SMCO2: variants seen among roughly 807,000 people sequenced by gnomAD.
SMCO2 encodes single-pass membrane protein with coiled-coil domains 2, also known as single-pass membrane and coiled-coil domain-containing protein 2.
In SMCO2, 25 loss-of-function variants were observed where a neutral mutation model predicts 29.5. The observed-to-expected ratio is 0.85, with a 90% CI of 0.62 to 1.18. The LOEUF is 1.18. Among genes scored for constraint, SMCO2 ranks in the 50% most tolerant of loss-of-function variants. The pLI is 0.00. For synonymous variants in SMCO2, 117 were observed against 123.3 expected, an observed-to-expected ratio of 0.95 and a Z score of 0.34; for missense variants, 348 against 344.5, an observed-to-expected ratio of 1.01 and a Z score of -0.08.
intron 4 of SMCO2, among the ~76,000 whole-genome samples, chr12:27,487,950 G>T (rs1949703600): frequency 6.6e-6 from 1 of 151,148 alleles, no homozygotes. Context: ...TTAATGTTGA[G>T]CTTTTTTTGA....
At chr12:27,438,459 T>A in the SMCO2 span, among the ~76,000 whole-genome samples, 3 of 152,194 alleles carry the variant, frequency 2.0e-5, no homozygotes, top group African/African-American at 7.2e-5. Context: ...CCTCAACCTG[T>A]CCAAAGTGCA....
At chr12:27,423,886 C>G in the SMCO2 span, 7 of 152,132 alleles carry the variant, frequency 4.6e-5, no homozygotes, top group African/African-American at 1.7e-4. Context: ...CTGTCCAGTG[C>G]AGTAGCCACT....
At chr12:27,431,130 C>T in the SMCO2 span, among the ~76,000 whole-genome samples, 1 of 152,006 alleles carries the variant, frequency 6.6e-6, no homozygotes, top group East Asian at 1.9e-4. Context: ...ATTCTCCTGC[C>T]TCAGCCTCCC....
the SMCO2 span, among the ~76,000 whole-genome samples, chr12:27,452,935 T>C: frequency 6.6e-6 from 1 of 152,206 alleles, no homozygotes; most frequent in Non-Finnish European, 1.5e-5. Flanking sequence ...CGTAGCTTTC[T>C]TCCTAGGCCC....
chr12:27,495,665 ACT>A lies in SMCO2; in HGVS notation c.508-12_508-11del. 1 of 1,452,148 alleles carries A rather than the reference ACT, an allele frequency of 6.9e-7. No homozygotes were observed. The highest frequency in any genetic ancestry group is 9.2e-7 in the Non-Finnish European group (1 of 1,083,260). The allele number at this position is 1,452,148 out of a possible 1,614,324, so 90.0% of individuals were successfully genotyped here. ...TAGAATTTTTTTAAGGTACTTGATTACTCTTTTTTTTCAGGACCTTTGCAAGA... is the reference window on the plus strand; with the variant it reads ...TAGAATTTTTTTAAGGTACTTGATTACTTTTTTTTCAGGACCTTTGCAAGA... On this transcript the variant is annotated splice_polypyrimidine_tract_variant and intron_variant, in intron 6 of 7. Transcript: ENST00000298876.
the SMCO2 span, chr12:27,424,745 G>C: frequency 6.6e-6 from 1 of 152,202 alleles, no homozygotes; most frequent in Non-Finnish European, 1.5e-5. Context: ...GTTACGGGCA[G>C]ACAGGCCGAC....
chr12:27,480,914 G>A (rs1345231738), intron 4 of SMCO2, among the ~76,000 whole-genome samples: 1 of 152,128 alleles, frequency 6.6e-6, no homozygotes, highest in Non-Finnish European at 1.5e-5. Flanking sequence ...AGCAATGCAA[G>A]AACAGACTAA....
intron 1 of SMCO2, among the ~76,000 whole-genome samples, chr12:27,468,793 A>G (rs192083067): frequency 1.5e-3 from 233 of 152,344 alleles, no homozygotes; most frequent in African/African-American, 5.2e-3. Flanking sequence ...AGTAAATCAC[A>G]TCATCTCCCA....
At chr12:27,435,549 C>A in the SMCO2 span, among the ~76,000 whole-genome samples, 5 of 151,072 alleles carry the variant, frequency 3.3e-5, no homozygotes, top group Admixed American at 6.6e-5. Flanking sequence ...CTCTCTCCCC[C>A]CCATCCCCCA....
the SMCO2 span, among the ~76,000 whole-genome samples, chr12:27,427,470 A>G: frequency 6.6e-6 from 1 of 152,214 alleles, no homozygotes; most frequent in Non-Finnish European, 1.5e-5. Flanking sequence ...TTCTGAGGAA[A>G]GTAGAGTAGG....
At chr12:27,435,291 C>A in the SMCO2 span, among the ~76,000 whole-genome samples, 10 of 21,366 alleles carry the variant, frequency 4.7e-4, 2 homozygotes, top group Non-Finnish European at 2.8e-3. Context: ...AACCCCCCCC[C>A]CCCCCCCCCC....
intron 3 of SMCO2, 30 bp downstream of exon 3, chr12:27,472,905 AC>A: frequency 6.9e-7 from 1 of 1,449,924 alleles, no homozygotes; most frequent in Non-Finnish European, 9.5e-7. Flanking sequence ...TAAGAGAGAC[AC>A]TTAAATGACA....
At chr12:27,475,119 G>GA (rs1039911957) in intron 4 of SMCO2, among the ~76,000 whole-genome samples, 12 of 152,044 alleles carry the variant, frequency 7.9e-5, no homozygotes, top group Admixed American at 7.2e-4. Context: ...CAGAGCATGG[G>GA]AAAAAAGAAA....
At chr12:27,485,617 T>A (rs2135563653) in intron 4 of SMCO2, among the ~76,000 whole-genome samples, 1 of 151,988 alleles carries the variant, frequency 6.6e-6, no homozygotes, top group South Asian at 2.1e-4. Flanking sequence ...TTAATTTTTT[T>A]AGTATTTTTA....
intron 4 of SMCO2, among the ~76,000 whole-genome samples, chr12:27,484,316 T>C (rs1241046411): frequency 2.6e-5 from 4 of 151,970 alleles, no homozygotes; most frequent in Admixed American, 2.6e-4. Context: ...GAGGCAGAGG[T>C]TGCAGTGAGC....
chr12:27,427,209 A>G, the SMCO2 span, among the ~76,000 whole-genome samples: 1 of 152,252 alleles, frequency 6.6e-6, no homozygotes, highest in Non-Finnish European at 1.5e-5. Flanking sequence ...CTATTTATCC[A>G]GCCCAGTGGT....
rs557959161 is a variant in SMCO2 at position 27,475,577 on chromosome 12, C to T, written c.362+664C>T. ...TTGAAAATGATCACCATAATATTTC[C>T]GCAGGTGTCTGAAGGGCATGTTCCT... On this transcript the variant is annotated intron_variant, in intron 4 of 7. Coordinates refer to ENST00000298876, the Ensembl canonical transcript of SMCO2. The T allele has an allele frequency of 3.1e-5, 47 of 1,519,058 alleles. No individual in the cohort carries two copies. Among genetic ancestry groups the T allele is most frequent in the East Asian group, 1.0e-4 (4 of 39,804 alleles). The allele number at this position is 1,519,058 out of a possible 1,614,324, so 94.1% of individuals were successfully genotyped here.
the SMCO2 span, among the ~76,000 whole-genome samples, chr12:27,435,437 CA>C: frequency 1.3e-5 from 2 of 151,242 alleles, no homozygotes; most frequent in African/African-American, 4.9e-5. Context: ...TTCTTTCTGT[CA>C]AAAGGGGCAG....
chr12:27,492,880 C>T (rs912286911), intron 5 of SMCO2, among the ~76,000 whole-genome samples: 2 of 152,102 alleles, frequency 1.3e-5, no homozygotes, highest in African/African-American at 2.4e-5. Flanking sequence ...GACACATGAA[C>T]GTGAATGTTC....
Sources: allele counts gnomAD v4.1 joint callset (sites outside exome capture counted in the v4.1 genomes callset), GRCh38; gene constraint gnomAD v4.1.1; transcripts MANE v1.5; gene names NCBI Gene and HGNC (gene_info 2026-07-23, HGNC 2026-07-21).